The following DTWD1 variants were observed in gnomAD, a reference collection of about 807,000 sequenced individuals.
The protein encoded by DTWD1 is tRNA-uridine aminocarboxypropyltransferase 1.
A neutral mutation model predicts 30.2 loss-of-function variants in DTWD1; 27 were observed. The observed-to-expected ratio is 0.90, with a 90% CI of 0.66 to 1.23. DTWD1 has a LOEUF of 1.23. Ranked by LOEUF, DTWD1 falls within the 50% of genes most tolerant of loss-of-function variation. The pLI, the probability that DTWD1 is intolerant of heterozygous loss-of-function variation, is 0.00. For missense variants in DTWD1, 342 were observed against 348.8 expected (o/e 0.98, Z 0.15); for synonymous variants, 99 against 113.1 (o/e 0.88, Z 0.79).
At chr15:49,621,997 G>C (rs1047728581) in intron 1 of DTWD1, among the ~76,000 whole-genome samples, 2 of 152,090 alleles carry the variant, frequency 1.3e-5, no homozygotes, top group African/African-American at 2.4e-5. Context: ...TAATGGAAGA[G>C]GTAGAAGCTT....
chr15:49,643,270 T>A lies in DTWD1; in HGVS notation c.668-61T>A, dbSNP rs934734820. 16 of 1,439,582 alleles carry A rather than the reference T, an allele frequency of 1.1e-5. No homozygotes were observed. The African/African-American group carries it at 2.3e-4, about 21-fold the overall frequency. 89.2% of individuals were successfully genotyped at this position (1,439,582 alleles called of 1,614,324 possible). On this transcript the variant is annotated intron_variant, in intron 4 of 4. Coordinates refer to ENST00000403028, the MANE Select transcript of DTWD1 (RefSeq NM_001144955.2). ...ATTATTATTGTACCAAGCCTGTGGT[T>A]AAGAAGAAATATTTATATTTTTTCT...
chr15:49,630,989 C>T, intron 2 of DTWD1: 1 of 447,686 alleles, frequency 2.2e-6, no homozygotes, highest in Non-Finnish European at 4.5e-6. Context: ...GTCACTGTCT[C>T]CCATGTCCTA....
chr15:49,623,797 A>G (rs1196647508), intron 1 of DTWD1: 1 of 152,220 alleles, frequency 6.6e-6, no homozygotes, highest in Non-Finnish European at 1.5e-5. Context: ...ATTTTTAGGC[A>G]GGTGAGTTGG....
rs1201945975 is a variant in DTWD1 at position 49,646,302 on chromosome 15, G to T, written c.*2724G>T. On this transcript the variant is annotated 3_prime_UTR_variant, in exon 5 of 5. Coordinates refer to ENST00000403028, the MANE Select transcript of DTWD1 (RefSeq NM_001144955.2). Reference sequence around the variant, plus strand: ...CTTATAGCTATTTATTGTGGCTATAGATATCTCATCTTTGGATGCATTATC... The same window carrying T: ...CTTATAGCTATTTATTGTGGCTATATATATCTCATCTTTGGATGCATTATC... 6.6e-6 allele frequency: 1 copy of T among 152,180 alleles called. No individual in the cohort carries two copies. Among genetic ancestry groups the T allele is most frequent in the Non-Finnish European group, 1.5e-5 (1 of 68,032 alleles). 9.4% of individuals were successfully genotyped at this position (152,180 alleles called of 1,614,324 possible). A position where few individuals can be genotyped will look rare whatever the true frequency, so the allele number is the denominator to read the frequency against.
At chr15:49,626,736 A>G in intron 2 of DTWD1, 1 of 441,076 alleles carries the variant, frequency 2.3e-6, no homozygotes, top group South Asian at 1.6e-5. Flanking sequence ...ATTTTATTTG[A>G]ATTTCAGTTT....
At chr15:49,638,578 A>G (rs1346445413) in intron 4 of DTWD1, among the ~76,000 whole-genome samples, 1 of 152,178 alleles carries the variant, frequency 6.6e-6, no homozygotes, top group Non-Finnish European at 1.5e-5. Flanking sequence ...ATAAGAAACA[A>G]TCCATGGTTT....
chr15:49,633,118 AT>A (rs1434255559), intron 3 of DTWD1, among the ~76,000 whole-genome samples: 1 of 146,882 alleles, frequency 6.8e-6, no homozygotes, highest in African/African-American at 2.5e-5. Flanking sequence ...TGTAAATAAT[AT>A]TTGAGTTTTG....
Position 49,634,639 on chromosome 15 carries a change from C to G in DTWD1, c.512C>G (p.Pro171Arg). The G allele has an allele frequency of 6.2e-7, 1 of 1,613,750 alleles. No homozygotes were observed. The highest frequency in any genetic ancestry group is 8.5e-7 in the Non-Finnish European group (1 of 1,179,860). Residue 171 changes from proline to arginine, a missense_variant, in exon 4 of 5, where the codon CCT (proline) becomes CGT (arginine). Pro to Arg is a moderately radical substitution (Grantham distance 103, BLOSUM62 -2). Transcript: ENST00000403028. ...AATGTTAGAGGCAAAAATGATGACCCTGACAAGCCATCTTTTAAACGCAAA... is the reference window on the plus strand; with the variant it reads ...AATGTTAGAGGCAAAAATGATGACCGTGACAAGCCATCTTTTAAACGCAAA... ...QNNVRGKNDD[P>R]DKPSFKRKRT...
chr15:49,634,427 T>C (rs1381937910), intron 3 of DTWD1, 109 bp from the exon 4 acceptor site: 9 of 1,288,876 alleles, frequency 7.0e-6, no homozygotes, highest in Non-Finnish European at 8.3e-6. Context: ...AACCTAATGC[T>C]TATTTCTCAG....
chr15:49,632,176 C>T lies in DTWD1; in HGVS notation c.282C>T (p.Asp94=), dbSNP rs746888511. ...IPLVKLPLKI[D]IIKHPNETDG... is the part of the protein sequence containing the mutation. ...ACCTTTAGCTTCCATTGAAGATTGACATCATTAAACATCCAAATGAAACAG... is the reference window on the plus strand; with the variant it reads ...ACCTTTAGCTTCCATTGAAGATTGATATCATTAAACATCCAAATGAAACAG... Residue 94 remains aspartate (D), a synonymous_variant, in exon 3 of 5, where the codon GAC becomes GAT. Transcript: ENST00000403028. The T allele has an allele frequency of 6.4e-7, 1 of 1,573,488 alleles. No individual in the cohort carries two copies. The highest frequency in any genetic ancestry group is 8.6e-7 in the Non-Finnish European group (1 of 1,168,074).
Position 49,625,192 on chromosome 15 carries a change from C to G in DTWD1, c.25C>G (p.Leu9Val), listed in dbSNP as rs1244879366. Residue 9 changes from leucine to valine, a missense_variant, in exon 2 of 5, where the codon CTC (leucine) becomes GTC (valine). Physicochemically the swap from Leu to Val is conservative, Grantham distance 32. Coordinates refer to ENST00000403028, the MANE Select transcript of DTWD1 (RefSeq NM_001144955.2). ...AATGTCTCTCAATCCACCTATATTT[C>G]TCAAACGAAGTGAAGAAAATAGTTC... is the stretch of plus-strand genomic sequence containing the variant. MSLNPPIF[L>V]KRSEENSSKF... 45 of 1,613,202 alleles carry G rather than the reference C, an allele frequency of 2.8e-5. No individual in the cohort carries two copies. Among genetic ancestry groups the G allele is most frequent in the Non-Finnish European group, 3.8e-5 (45 of 1,179,546 alleles).
intron 2 of DTWD1, among the ~76,000 whole-genome samples, chr15:49,629,317 T>G (rs1272278743): frequency 6.6e-6 from 1 of 152,170 alleles, no homozygotes; most frequent in Non-Finnish European, 1.5e-5. Flanking sequence ...TTGCAGACTT[T>G]AGTTCATAAA....
chr15:49,632,422 C>T (rs1007086903), intron 3 of DTWD1, 120 bp downstream of exon 3: 4 of 953,366 alleles, frequency 4.2e-6, no homozygotes, highest in Non-Finnish European at 6.1e-6. Flanking sequence ...GTATTATGCT[C>T]AGGTAATGTT....
At chr15:49,630,487 G>C (rs1179022399) in intron 2 of DTWD1, among the ~76,000 whole-genome samples, 1 of 151,948 alleles carries the variant, frequency 6.6e-6, no homozygotes, top group Non-Finnish European at 1.5e-5. Context: ...ATCTCCAGAG[G>C]GTTTCTTATA....
chr15:49,643,809 C>CTGAGGTTTCA lies in DTWD1; in HGVS notation c.*231_*232insTGAGGTTTCA. On this transcript the variant is annotated 3_prime_UTR_variant, in exon 5 of 5. Transcript: ENST00000403028. ...TTCAGAAGTTATTTGCTCAGTGAAA[C>CTGAGGTTTCA]CTCAGTTTCATTACTACATTTTAAT... is the stretch of plus-strand genomic sequence containing the variant. 1 of 367,280 alleles carries CTGAGGTTTCA rather than the reference C, an allele frequency of 2.7e-6. No homozygotes were observed. The allele number at this position is 367,280 out of a possible 1,614,324, so 22.8% of individuals were successfully genotyped here. A position where few individuals can be genotyped will look rare whatever the true frequency, so the allele number is the denominator to read the frequency against.
At chr15:49,634,153 C>A (rs1424673056) in intron 3 of DTWD1, among the ~76,000 whole-genome samples, 1 of 152,098 alleles carries the variant, frequency 6.6e-6, no homozygotes, top group Non-Finnish European at 1.5e-5. Flanking sequence ...TTATCTTTGG[C>A]TTATGATATA....
Position 49,649,208 on chromosome 15 carries a change from A to G in DTWD1, c.*5630A>G, listed in dbSNP as rs2079138405. 6.6e-6 allele frequency: 1 copy of G among 152,206 alleles called. No individual in the cohort carries two copies. The highest frequency in any genetic ancestry group is 2.4e-5 in the African/African-American group (1 of 41,468). 9.4% of individuals were successfully genotyped at this position (152,206 alleles called of 1,614,324 possible). A position where few individuals can be genotyped will look rare whatever the true frequency, so the allele number is the denominator to read the frequency against. On this transcript the variant is annotated 3_prime_UTR_variant, in exon 5 of 5. Transcript: ENST00000403028. ...GGATATTAAAGGACTTCTTAACAACATTGGAAACTAGAAGACATGGGGTGA... is the reference window on the plus strand; with the variant it reads ...GGATATTAAAGGACTTCTTAACAACGTTGGAAACTAGAAGACATGGGGTGA...
At chr15:49,624,603 G>A (rs1375211220) in intron 1 of DTWD1, among the ~76,000 whole-genome samples, 1 of 152,084 alleles carries the variant, frequency 6.6e-6, no homozygotes, top group African/African-American at 2.4e-5. Context: ...AGTAGTAGAT[G>A]CCTCTTATTT....
intron 2 of DTWD1, among the ~76,000 whole-genome samples, chr15:49,626,440 A>G (rs1387569180): frequency 6.6e-6 from 1 of 152,158 alleles, no homozygotes; most frequent in Non-Finnish European, 1.5e-5. Flanking sequence ...GGGCTCACCA[A>G]CACTACTTTT....
Sources: allele counts gnomAD v4.1 joint callset (sites outside exome capture counted in the v4.1 genomes callset), GRCh38; gene constraint gnomAD v4.1.1; transcripts MANE v1.5; gene names NCBI Gene and HGNC (gene_info 2026-07-23, HGNC 2026-07-21).